CDH10: variants seen among roughly 807,000 people sequenced by gnomAD.
The protein encoded by CDH10 is cadherin-10.
A neutral mutation model predicts 73.1 loss-of-function variants in CDH10; 30 were observed. The observed-to-expected ratio is 0.41, with a 90% confidence interval of 0.31 to 0.56. CDH10 has a LOEUF of 0.56. Ranked by LOEUF, CDH10 falls within the 20% of genes least tolerant of loss-of-function variation. CDH10 has a pLI of 0.27. For synonymous variants in CDH10, 345 were observed against 348.2 expected, an observed-to-expected ratio of 0.99 and a Z score of 0.10; for missense variants, 815 against 973.7, an observed-to-expected ratio of 0.84 and a Z score of 2.17.
At chr5:24,584,830 C>A (rs938765997) in intron 2 of CDH10, among the ~76,000 whole-genome samples, 3 of 150,910 alleles carry the variant, frequency 2.0e-5, no homozygotes, top group Non-Finnish European at 4.4e-5. Flanking sequence ...TCTAGTTGTT[C>A]ATCATTTCAA....
intron 11 of CDH10, among the ~76,000 whole-genome samples, chr5:24,489,486 T>C (rs1463196512): frequency 2.0e-5 from 3 of 152,140 alleles, no homozygotes; most frequent in Non-Finnish European, 4.4e-5. Flanking sequence ...TAAATTCATA[T>C]ATTTATGCAC....
chr5:24,491,531 C>T (rs1281745543), intron 11 of CDH10, 45 bp downstream of exon 11: 1 of 1,548,638 alleles, frequency 6.5e-7, no homozygotes, highest in African/African-American at 1.4e-5. Context: ...CAAAATCATA[C>T]TAAAGAGCCT....
chr5:24,586,969 C>A lies in CDH10; in HGVS notation c.231+6291G>T, dbSNP rs1013431162. ...ACGCCATTCTCCTGCTTCAGCCTCC[C>A]GAGTAGCTGGGACTACAGGCGCCCG... On this transcript the variant is annotated intron_variant, in intron 2 of 11. Coordinates refer to ENST00000264463, the MANE Select transcript of CDH10 (RefSeq NM_006727.5). Among the ~76,000 whole-genome samples, 8 of 150,740 alleles carry A rather than the reference C, an allele frequency of 5.3e-5. No homozygotes were observed. In the East Asian group the frequency reaches 9.9e-4, roughly 19 times the overall value.
chr5:24,503,470 T>C (rs1392291170), intron 8 of CDH10, among the ~76,000 whole-genome samples: 1 of 152,164 alleles, frequency 6.6e-6, no homozygotes, highest in African/African-American at 2.4e-5. Flanking sequence ...AAGAGACTCT[T>C]GCATGTTTTA....
At chr5:24,556,121 C>G (rs1323587436) in intron 2 of CDH10, among the ~76,000 whole-genome samples, 1 of 152,062 alleles carries the variant, frequency 6.6e-6, no homozygotes, top group African/African-American at 2.4e-5. Flanking sequence ...AAATTAAACC[C>G]ACTTCTATCT....
intron 2 of CDH10, among the ~76,000 whole-genome samples, chr5:24,563,075 T>C (rs777140467): frequency 6.6e-6 from 1 of 152,192 alleles, no homozygotes; most frequent in African/African-American, 2.4e-5. Context: ...GTTGTTCCAA[T>C]AATATCTTGT....
At chr5:24,538,160 G>A (rs1362532950) in intron 2 of CDH10, among the ~76,000 whole-genome samples, 1 of 152,020 alleles carries the variant, frequency 6.6e-6, no homozygotes. Flanking sequence ...AGCTGTAGGA[G>A]ACAAAGTTCT....
chr5:24,518,523 G>A (rs1311245267), intron 5 of CDH10, among the ~76,000 whole-genome samples: 1 of 152,030 alleles, frequency 6.6e-6, no homozygotes, highest in Non-Finnish European at 1.5e-5. Context: ...ATAATGGACA[G>A]TTTTACCAAG....
intron 2 of CDH10, among the ~76,000 whole-genome samples, chr5:24,587,087 G>T (rs984799525): frequency 1.3e-5 from 2 of 150,730 alleles, no homozygotes; most frequent in African/African-American, 4.9e-5. Context: ...CTCGTGATCT[G>T]CCCGCCTCGG....
At chr5:24,629,326 G>A (rs769455139) in intron 1 of CDH10, among the ~76,000 whole-genome samples, 3 of 151,984 alleles carry the variant, frequency 2.0e-5, no homozygotes, top group Non-Finnish European at 4.4e-5. Context: ...AAACCACCCA[G>A]CAAGAATTTT....
intron 11 of CDH10, among the ~76,000 whole-genome samples, chr5:24,489,889 T>C (rs1741985773): frequency 6.6e-6 from 1 of 152,114 alleles, no homozygotes; most frequent in South Asian, 2.1e-4. Flanking sequence ...CAGATTCCAC[T>C]GGGAATCTCT....
In CDH10 at chr5:24,511,359, CCTT is replaced by C. The variant is rs1239981179; in HGVS notation, c.967_969del (p.Lys323del). ...ACAGTGATGATGCCTTCCTGTGTGT[CCTT>C]CTCAGTCACGATGTCAAACATATCA... On this transcript the variant is annotated inframe_deletion, in exon 6 of 12. Coordinates refer to ENST00000264463, the MANE Select transcript of CDH10 (RefSeq NM_006727.5). 2 of 1,612,234 alleles carry C rather than the reference CCTT, an allele frequency of 1.2e-6. No individual in the cohort carries two copies. The highest frequency in any genetic ancestry group is 1.3e-5 in the African/African-American group (1 of 74,848).
At chr5:24,623,002 G>T (rs1441912047) in intron 1 of CDH10, among the ~76,000 whole-genome samples, 1 of 152,152 alleles carries the variant, frequency 6.6e-6, no homozygotes, top group Admixed American at 6.6e-5. Flanking sequence ...ATAAAACTGT[G>T]AGACAGCTTC....
intron 7 of CDH10, among the ~76,000 whole-genome samples, chr5:24,507,589 C>T (rs1047217200): frequency 3.3e-5 from 5 of 151,524 alleles, no homozygotes; most frequent in African/African-American, 9.7e-5. Context: ...TTAAGTATGC[C>T]ACTTGATATA....
chr5:24,568,955 C>G (rs1745264799), intron 2 of CDH10, among the ~76,000 whole-genome samples: 2 of 151,712 alleles, frequency 1.3e-5, no homozygotes, highest in Non-Finnish European at 2.9e-5. Context: ...ACTAAAAATT[C>G]AAAAATTAGC....
chr5:24,496,613 C>T (rs983400655), intron 9 of CDH10, among the ~76,000 whole-genome samples: 11 of 152,238 alleles, frequency 7.2e-5, no homozygotes, highest in Admixed American at 4.6e-4. Flanking sequence ...TTGTCCATGT[C>T]GGTGTTCTAA....
Position 24,625,215 on chromosome 5 carries a change from G to T in CDH10, c.-124+19379C>A, listed in dbSNP as rs571308103. Among the ~76,000 whole-genome samples the T allele has an allele frequency of 5.9e-5, 9 of 152,150 alleles. 1 individual carries two copies. In the South Asian group the frequency reaches 1.9e-3, roughly 32 times the overall value. ...ATAAATCAATTCCAGACTATTAAAGGGAATTGGCCCAATATACTGTTACTA... is the reference window on the plus strand; with the variant it reads ...ATAAATCAATTCCAGACTATTAAAGTGAATTGGCCCAATATACTGTTACTA... On this transcript the variant is annotated intron_variant, in intron 1 of 11. Transcript: ENST00000264463.
chr5:24,524,720 T>G (rs908280024), intron 5 of CDH10, among the ~76,000 whole-genome samples: 5 of 152,068 alleles, frequency 3.3e-5, no homozygotes, highest in African/African-American at 1.2e-4. Context: ...AATTGCCATT[T>G]CTATATCACA....
chr5:24,592,836 C>T (rs1014767175), intron 2 of CDH10, among the ~76,000 whole-genome samples: 23 of 151,620 alleles, frequency 1.5e-4, no homozygotes, highest in Non-Finnish European at 1.9e-4. Context: ...TTTGCTTTCT[C>T]GTTCTGTAGA....
Sources: allele counts gnomAD v4.1 joint callset (sites outside exome capture counted in the v4.1 genomes callset), GRCh38; gene constraint gnomAD v4.1.1; transcripts MANE v1.5; gene names NCBI Gene and HGNC (gene_info 2026-07-23, HGNC 2026-07-21).